The following EPM2A variants were observed in gnomAD, a reference collection of about 807,000 sequenced individuals.
EPM2A encodes the protein laforin.
Under a neutral mutation model 26.5 loss-of-function variants are expected in EPM2A, and 21 were observed. The observed-to-expected ratio is 0.79, with a 90% CI of 0.56 to 1.14. EPM2A has a LOEUF of 1.14. Among genes scored for constraint, EPM2A ranks in the 50% most tolerant of loss-of-function variants. The pLI is 0.00. For synonymous variants in EPM2A, 217 were observed against 177.6 expected (o/e 1.22, Z -1.76); for missense variants, 458 against 440.8 (o/e 1.04, Z -0.35).
In EPM2A at chr6:145,701,260, T is replaced by A. The variant is rs1781896026; in HGVS notation, c.302-14964A>T. Among the ~76,000 whole-genome samples, 4 of 152,310 alleles carry A rather than the reference T, an allele frequency of 2.6e-5. No individual in the cohort carries two copies. The South Asian group carries it at 8.3e-4, about 32-fold the overall frequency. ...ACAGAAAATCTGGTTAACAGTGACCTAAACAAATATTAATATAAGACTCTG... is the reference window on the plus strand; with the variant it reads ...ACAGAAAATCTGGTTAACAGTGACCAAAACAAATATTAATATAAGACTCTG... On this transcript the variant is annotated intron_variant, in intron 1 of 3. Transcript: ENST00000367519.
chr6:145,407,037 T>C (rs887869584), intron 4 of EPM2A, among the ~76,000 whole-genome samples: 2 of 152,116 alleles, frequency 1.3e-5, no homozygotes, highest in African/African-American at 2.4e-5. Flanking sequence ...GGATCGTGCC[T>C]CGTGGTAATG....
rs544480221 is a variant in EPM2A at position 145,439,846 on chromosome 6, C to CT, written c.556-55750dup. Among the ~76,000 whole-genome samples, 6 of 152,230 alleles carry CT rather than the reference C, an allele frequency of 3.9e-5. 1 individual carries two copies. In the South Asian group the frequency reaches 1.2e-3, roughly 32 times the overall value. On this transcript the variant is annotated intron_variant, in intron 4 of 4. Coordinates refer to the EPM2A transcript ENST00000638717. ...TATAGGTCCCATTTGTCAATTTTTG[C>CT]TTTTGTTGCAATTGCTTCTGGCATT... is the stretch of plus-strand genomic sequence containing the variant.
intron 2 of EPM2A, among the ~76,000 whole-genome samples, chr6:145,582,071 T>C (rs1241702369): frequency 6.6e-6 from 1 of 152,178 alleles, no homozygotes; most frequent in Non-Finnish European, 1.5e-5. Flanking sequence ...CTTATGTGGG[T>C]GTTTGGTGCT....
In EPM2A at chr6:145,409,022, A is replaced by G. The variant is rs191281995; in HGVS notation, c.556-24925T>C. Among the ~76,000 whole-genome samples the G allele has an allele frequency of 1.8e-4, 28 of 152,298 alleles. 1 individual carries two copies. The highest frequency in any genetic ancestry group is 1.6e-3 in the Admixed American group (25 of 15,292). ...CACAGCAAGTACTAATACCAAAAAA[A>G]TTATTTATTTTGCCCTTTAATGGAT... On this transcript the variant is annotated intron_variant, in intron 4 of 4. Transcript: ENST00000638717.
intron 2 of EPM2A, among the ~76,000 whole-genome samples, chr6:145,591,699 T>G (rs1300196018): frequency 6.6e-6 from 1 of 151,886 alleles, no homozygotes; most frequent in African/African-American, 2.4e-5. Context: ...AAGAAGCTCT[T>G]CAGAAAGAAA....
At chr6:145,444,423 A>C (rs1779105620) in intron 4 of EPM2A, among the ~76,000 whole-genome samples, 1 of 152,196 alleles carries the variant, frequency 6.6e-6, no homozygotes, top group Non-Finnish European at 1.5e-5. Context: ...GGTCGAACCA[A>C]CCTTGCATAC....
intron 2 of EPM2A, among the ~76,000 whole-genome samples, chr6:145,662,149 C>G (rs952784068): frequency 2.6e-5 from 4 of 152,260 alleles, no homozygotes; most frequent in African/African-American, 7.2e-5. Context: ...CTGTGTTCCT[C>G]CCTTCTTCCC....
At chr6:145,505,544 T>C (rs532232881) in intron 2 of EPM2A, among the ~76,000 whole-genome samples, 2 of 46,192 alleles carry the variant, frequency 4.3e-5, no homozygotes, top group Non-Finnish European at 1.0e-4. Flanking sequence ...TATTATTCAG[T>C]AATATTATCA....
chr6:145,518,148 C>T (rs556397042), intron 2 of EPM2A, among the ~76,000 whole-genome samples: 2 of 152,216 alleles, frequency 1.3e-5, no homozygotes, highest in South Asian at 2.1e-4. Flanking sequence ...AGCATGAAGG[C>T]GAATGTGTTT....
intron 2 of EPM2A, among the ~76,000 whole-genome samples, chr6:145,549,406 C>T (rs1780625134): frequency 6.6e-6 from 1 of 152,082 alleles, no homozygotes; most frequent in South Asian, 2.1e-4. Context: ...AGGCATTTTA[C>T]TTGCAATGAT....
chr6:145,719,389 A>G (rs369179775), intron 1 of EPM2A, among the ~76,000 whole-genome samples: 3 of 149,946 alleles, frequency 2.0e-5, no homozygotes, highest in South Asian at 4.3e-4. Flanking sequence ...ACCAAACACC[A>G]CATATTCTCA....
Position 145,735,388 on chromosome 6 carries a change from G to C in EPM2A, c.111C>G (p.Ala37=). The change falls in exon 1 of 4, where the codon GCC becomes GCG. Residue 37 remains alanine, a synonymous_variant. Coordinates refer to ENST00000367519, the MANE Select transcript of EPM2A (RefSeq NM_005670.4). ...PELGRWEPRG[A]VRLRPAGTAA... is the part of the protein sequence containing the mutation. ...CGGTGCCGGCCGGCCTCAGGCGGAC[G>C]GCACCGCGCGGCTCCCAACGCCCCA... is the stretch of plus-strand genomic sequence containing the variant. 7.2e-6 allele frequency: 8 copies of C among 1,106,594 alleles called. No homozygotes were observed. The highest frequency in any genetic ancestry group is 5.0e-5 in the East Asian group (1 of 19,912). The allele number at this position is 1,106,594 out of a possible 1,614,324, so 68.5% of individuals were successfully genotyped here. A position where few individuals can be genotyped will look rare whatever the true frequency, so the allele number is the denominator to read the frequency against.
In EPM2A at chr6:145,709,905, G is replaced by A. The variant is rs28531388; in HGVS notation, c.302-23609C>T. Among the ~76,000 whole-genome samples the A allele has an allele frequency of 7.7e-3, 1,169 of 152,220 alleles. 7 individuals carry two copies. The highest frequency in any genetic ancestry group is 0.027 in the African/African-American group (1,103 of 41,524). On this transcript the variant is annotated intron_variant, in intron 1 of 3. Coordinates refer to ENST00000367519, the MANE Select transcript of EPM2A (RefSeq NM_005670.4). The stretch of plus-strand genomic sequence containing the variant: ...TTAATAAATGGTGCTGGGAAAAATG[G>A]CTAGCCATTTGCAGAAAGCTGAAAC...
intron 2 of EPM2A, chr6:145,640,264 A>C (rs1776993017): frequency 6.6e-6 from 1 of 152,206 alleles, no homozygotes; most frequent in Non-Finnish European, 1.5e-5. Context: ...AAAAGACAAA[A>C]GGTATTGGGA....
intron 2 of EPM2A, among the ~76,000 whole-genome samples, chr6:145,600,588 T>G (rs965342875): frequency 2.6e-5 from 4 of 152,230 alleles, no homozygotes; most frequent in Admixed American, 2.6e-4. Flanking sequence ...TTATTGCTTC[T>G]CAGTTCCAAT....
At chr6:145,408,570 C>G (rs1778600633) in intron 4 of EPM2A, among the ~76,000 whole-genome samples, 1 of 152,072 alleles carries the variant, frequency 6.6e-6, no homozygotes, top group African/African-American at 2.4e-5. Context: ...CCTCAATGAC[C>G]CACTTAAGTG....
At chr6:145,405,226 T>C (rs1287812782) in intron 4 of EPM2A, among the ~76,000 whole-genome samples, 1 of 152,186 alleles carries the variant, frequency 6.6e-6, no homozygotes, top group Admixed American at 6.6e-5. Flanking sequence ...GCTCATCTTA[T>C]ACCTCTTCCA....
At chr6:145,734,373 A>C (rs1210148518) in intron 1 of EPM2A, among the ~76,000 whole-genome samples, 1 of 152,208 alleles carries the variant, frequency 6.6e-6, no homozygotes, top group Admixed American at 6.5e-5. Context: ...AAGTATATGC[A>C]TATATCACAT....
chr6:145,624,209 G>C (rs1001591723), downstream of EPM2A, among the ~76,000 whole-genome samples: 3 of 152,038 alleles, frequency 2.0e-5, no homozygotes, highest in South Asian at 4.2e-4. Flanking sequence ...TTCCTACTGC[G>C]ATCTAGTCCC....
Sources: allele counts gnomAD v4.1 joint callset (sites outside exome capture counted in the v4.1 genomes callset), GRCh38; gene constraint gnomAD v4.1.1; transcripts MANE v1.5; gene names NCBI Gene and HGNC (gene_info 2026-07-23, HGNC 2026-07-21).